The following MAP2 variants were observed in gnomAD, a reference collection of about 807,000 sequenced individuals.
MAP2 encodes microtubule associated protein 2.
Under a neutral mutation model 137.6 loss-of-function variants are expected in MAP2, and 14 were observed. The ratio of observed to expected loss-of-function variants is 0.10; its 90% CI spans 0.07 to 0.16. The LOEUF (loss-of-function observed/expected upper bound fraction) is 0.16. Ranked by LOEUF, MAP2 falls within the 10% of genes least tolerant of loss-of-function variation. The pLI, the probability that MAP2 is intolerant of heterozygous loss-of-function variation, is 1.00. For synonymous variants in MAP2, 786 were observed against 782.3 expected, an observed-to-expected ratio of 1.00 and a Z score of -0.08; for missense variants, 2,088 against 2,191.5, an observed-to-expected ratio of 0.95 and a Z score of 0.94.
At chr2:209,631,700 A>G (rs547347595) in intron 4 of MAP2, among the ~76,000 whole-genome samples, 1 of 152,308 alleles carries the variant, frequency 6.6e-6, no homozygotes, top group South Asian at 2.1e-4. Context: ...CGAGCCAATC[A>G]TCATTTTACA....
intron 1 of MAP2, among the ~76,000 whole-genome samples, chr2:209,498,101 C>T (rs2059964573): frequency 6.6e-6 from 1 of 152,150 alleles, no homozygotes; most frequent in African/African-American, 2.4e-5. Context: ...TTATTTACTC[C>T]CAATATACAA....
intron 2 of MAP2, among the ~76,000 whole-genome samples, chr2:209,548,726 G>A (rs12105310): frequency 0.11 from 16,287 of 152,052 alleles, 1,811 homozygotes; most frequent in African/African-American, 0.29. Context: ...GGTTTCTCCC[G>A]TGCTCTTCTT....
chr2:209,599,485 G>T (rs2082353864), intron 3 of MAP2, among the ~76,000 whole-genome samples: 1 of 151,756 alleles, frequency 6.6e-6, no homozygotes, highest in South Asian at 2.1e-4. Context: ...CTTTTAATTA[G>T]GCATTCATTT....
chr2:209,492,639 C>T (rs934385632), intron 1 of MAP2, among the ~76,000 whole-genome samples: 1 of 152,122 alleles, frequency 6.6e-6, no homozygotes, highest in African/African-American at 2.4e-5. Flanking sequence ...TTCCTATACA[C>T]CAATAATAGA....
chr2:209,719,416 A>G (rs1429425039), intron 13 of MAP2, among the ~76,000 whole-genome samples: 1 of 152,244 alleles, frequency 6.6e-6, no homozygotes, highest in Non-Finnish European at 1.5e-5. Flanking sequence ...AAGAAATTCA[A>G]GTTGACATTG....
chr2:209,543,591 C>T (rs1395962680), intron 2 of MAP2, among the ~76,000 whole-genome samples: 2 of 152,176 alleles, frequency 1.3e-5, no homozygotes, highest in African/African-American at 4.8e-5. Flanking sequence ...TAGAATACAA[C>T]GCTTCCTTTT....
chr2:209,661,316 T>C (rs1582676431), intron 5 of MAP2: 1 of 154,822 alleles, frequency 6.5e-6, no homozygotes, highest in East Asian at 1.9e-4. Context: ...CACTGAGCCA[T>C]TTCTCCTGCA....
intron 2 of MAP2, among the ~76,000 whole-genome samples, chr2:209,535,398 G>T (rs1395000747): frequency 6.6e-6 from 1 of 152,130 alleles, no homozygotes; most frequent in African/African-American, 2.4e-5. Context: ...TTTGCACATT[G>T]TGGTAGACAG....
chr2:209,447,809 A>G (rs16842900), intron 1 of MAP2, among the ~76,000 whole-genome samples: 20,690 of 151,966 alleles, frequency 0.14, 3,468 homozygotes, highest in African/African-American at 0.4. Flanking sequence ...AGTGGAAGAT[A>G]ACTCCATGCC....
At chr2:209,528,912 A>G (rs990358607) in intron 2 of MAP2, among the ~76,000 whole-genome samples, 2 of 150,860 alleles carry the variant, frequency 1.3e-5, no homozygotes, top group East Asian at 2.0e-4. Context: ...ACACACATAT[A>G]TACACACATA....
At chr2:209,651,083 C>T (rs2094760876) in intron 4 of MAP2, among the ~76,000 whole-genome samples, 1 of 152,144 alleles carries the variant, frequency 6.6e-6, no homozygotes, top group South Asian at 2.1e-4. Context: ...CAATCCTTCA[C>T]ATATATGAAG....
intron 3 of MAP2, among the ~76,000 whole-genome samples, chr2:209,586,572 A>C (rs1363069443): frequency 2.0e-5 from 3 of 152,186 alleles, no homozygotes; most frequent in Non-Finnish European, 4.4e-5. Context: ...TGGGCTAACA[A>C]ATAAAATTAA....
At chr2:209,593,633 AAATATATATATATATAT>A (rs2079993437) in intron 3 of MAP2, among the ~76,000 whole-genome samples, 1 of 61,992 alleles carries the variant, frequency 1.6e-5, no homozygotes, top group African/African-American at 7.2e-5. Flanking sequence ...AAAAAAAAAA[AAATATATATATATATAT>A]ATATATATAT....
intron 1 of MAP2, among the ~76,000 whole-genome samples, chr2:209,440,084 A>G (rs1268173170): frequency 1.3e-5 from 2 of 151,502 alleles, no homozygotes; most frequent in Non-Finnish European, 3.0e-5. Context: ...CACTAATTTC[A>G]GTTTTGAAGT....
rs138285352 is a variant in MAP2 at position 209,693,667 on chromosome 2, C to G, written c.1497C>G (p.Phe499Leu). The G allele has an allele frequency of 8.5e-4, 1,379 of 1,613,804 alleles. 2 individuals carry two copies. Among genetic ancestry groups the G allele is most frequent in the Non-Finnish European group, 1.1e-3 (1,301 of 1,179,988 alleles). The change falls in exon 8 of 16, where the codon TTC becomes TTG. Residue 499 changes from phenylalanine to leucine, a missense_variant. Physicochemically the swap from Phe to Leu is conservative, Grantham distance 22. Transcript: ENST00000682079. ...PTTDMLKQDSFPVSLEQAVTD... is the reference protein window; with the variant it reads ...PTTDMLKQDSLPVSLEQAVTD... Reference sequence around the variant, plus strand: ...CAGATATGTTGAAACAGGACTCGTTCCCTGTAAGTTTGGAGCAAGCAGTTA... The same window carrying G: ...CAGATATGTTGAAACAGGACTCGTTGCCTGTAAGTTTGGAGCAAGCAGTTA...
intron 5 of MAP2, among the ~76,000 whole-genome samples, chr2:209,661,911 A>G (rs1184294344): frequency 6.6e-6 from 1 of 152,134 alleles, no homozygotes; most frequent in African/African-American, 2.4e-5. Context: ...GATATTTTAC[A>G]AATTAGAGGA....
chr2:209,628,621 A>C (rs1448302725), intron 4 of MAP2, among the ~76,000 whole-genome samples: 1 of 152,162 alleles, frequency 6.6e-6, no homozygotes. Context: ...AAACATCTTA[A>C]TCAATTGATA....
chr2:209,674,749 G>T (rs1257224963), intron 5 of MAP2, among the ~76,000 whole-genome samples: 7 of 151,690 alleles, frequency 4.6e-5, no homozygotes, highest in Admixed American at 3.3e-4. Flanking sequence ...ATTTTTATAG[G>T]TCTGATTTTT....
intron 1 of MAP2, among the ~76,000 whole-genome samples, chr2:209,433,086 T>G (rs1694761955): frequency 6.6e-6 from 1 of 152,142 alleles, no homozygotes; most frequent in African/African-American, 2.4e-5. Context: ...TCCTAATATT[T>G]AGTAGGCACT....
Sources: gnomAD v4.1 joint callset for allele counts (sites outside exome capture counted in the v4.1 genomes callset) on GRCh38, gnomAD v4.1.1 for gene constraint, MANE v1.5 for transcripts, NCBI Gene and HGNC (gene_info 2026-07-23, HGNC 2026-07-21) for gene names.